The following CACNA1I variants were observed in gnomAD, a reference collection of about 807,000 sequenced individuals.
CACNA1I encodes the protein voltage-dependent T-type calcium channel subunit alpha-1I.
Under a neutral mutation model 201.6 loss-of-function variants are expected in CACNA1I, and 74 were observed. The ratio of observed to expected loss-of-function variants is 0.37; its 90% CI spans 0.30 to 0.45. The LOEUF is 0.45. Ranked by LOEUF, CACNA1I falls within the 20% of genes least tolerant of loss-of-function variation. The pLI, the probability that CACNA1I is intolerant of heterozygous loss-of-function variation, is 1.00. For synonymous variants in CACNA1I, 1,431 were observed against 1,345.2 expected, an observed-to-expected ratio of 1.06 and a Z score of -1.40; for missense variants, 2,346 against 3,138.1, an observed-to-expected ratio of 0.75 and a Z score of 6.03.
intron 10 of CACNA1I, among the ~76,000 whole-genome samples, chr22:39,651,173 C>G (rs911489973): frequency 1.3e-5 from 2 of 151,782 alleles, no homozygotes; most frequent in African/African-American, 4.9e-5. Flanking sequence ...GAGGTCCCGC[C>G]GCCAGCTGGG....
chr22:39,679,894 C>T (rs2146478888), intron 33 of CACNA1I, 26 bp downstream of exon 33: 2 of 1,604,006 alleles, frequency 1.2e-6, no homozygotes, highest in African/African-American at 1.3e-5. Flanking sequence ...GAGGCCTGGC[C>T]CCTTGTGGCA....
intron 2 of CACNA1I, among the ~76,000 whole-genome samples, chr22:39,599,574 C>G (rs1195781814): frequency 1.5e-5 from 2 of 131,316 alleles, no homozygotes; most frequent in Non-Finnish European, 1.6e-5. Context: ...AGCCGAGATC[C>G]CGCCACTGCA....
intron 10 of CACNA1I, among the ~76,000 whole-genome samples, chr22:39,652,697 C>T (rs766257834): frequency 6.6e-6 from 1 of 152,182 alleles, no homozygotes; most frequent in Non-Finnish European, 1.5e-5. Context: ...TTGAGCCCAG[C>T]AGTTCAAGAC....
intron 1 of CACNA1I, among the ~76,000 whole-genome samples, chr22:39,572,466 T>C (rs1243650542): frequency 6.6e-6 from 1 of 152,004 alleles, no homozygotes; most frequent in Non-Finnish European, 1.5e-5. Context: ...TTCCCTTCTG[T>C]AGGGGGCTGA....
At chr22:39,598,592 C>T (rs1932948307) in intron 2 of CACNA1I, among the ~76,000 whole-genome samples, 1 of 151,998 alleles carries the variant, frequency 6.6e-6, no homozygotes. Context: ...CCGGGTGCCC[C>T]CACCAGCCTT....
In CACNA1I at chr22:39,657,539, C is replaced by T. The variant is rs138816597; in HGVS notation, c.1993-613C>T. On this transcript the variant is annotated intron_variant, in intron 10 of 36. Transcript: ENST00000402142. ...AGGGGAGAGAAAAGTTCTGCATGGG[C>T]GGGGGTTAAGGGCAGGAGTCTTGGA... 5.3e-3 allele frequency among the ~76,000 whole-genome samples: 802 copies of T among 152,282 alleles called. 3 individuals are homozygous for T. Among genetic ancestry groups the T allele is most frequent in the Non-Finnish European group, 7.9e-3 (540 of 68,018 alleles).
chr22:39,634,297 A>T (rs1189786199), intron 4 of CACNA1I, among the ~76,000 whole-genome samples: 1 of 152,210 alleles, frequency 6.6e-6, no homozygotes, highest in Non-Finnish European at 1.5e-5. Flanking sequence ...CTTGGTACAT[A>T]AAAGGTGCTG....
chr22:39,634,463 C>G, intron 4 of CACNA1I, 102 bp from the exon 5 acceptor site: 1 of 1,112,124 alleles, frequency 9.0e-7, no homozygotes, highest in Non-Finnish European at 1.4e-6. Flanking sequence ...CCTGATAATG[C>G]ATCCCCCTCC....
intron 1 of CACNA1I, among the ~76,000 whole-genome samples, chr22:39,583,365 TATCCATCCATCCATCCATCC>T (rs61259535): frequency 2.1e-5 from 3 of 145,096 alleles, no homozygotes; most frequent in East Asian, 2.1e-4. Context: ...TCCAACCATC[TATCCATCCATCCATCCATCC>T]ATCCATCCAT....
chr22:39,652,898 A>C (rs136835), intron 10 of CACNA1I, among the ~76,000 whole-genome samples: 96,441 of 152,118 alleles, frequency 0.63, 31,968 homozygotes, highest in East Asian at 0.99. Flanking sequence ...GAGCAAGATC[A>C]TGTGTCAAAA....
intron 1 of CACNA1I, among the ~76,000 whole-genome samples, chr22:39,585,386 C>CTTTCT (rs1485526954): frequency 1.1e-4 from 10 of 90,454 alleles, no homozygotes; most frequent in Admixed American, 4.7e-4. Context: ...TTCTTTCTTT[C>CTTTCT]TTTTTTTTTT....
chr22:39,663,337 G>A (rs1181321198), intron 18 of CACNA1I, among the ~76,000 whole-genome samples: 1 of 152,192 alleles, frequency 6.6e-6, no homozygotes. Flanking sequence ...GAGGCAGGTG[G>A]CATTCCAGTA....
intron 18 of CACNA1I, 26 bp downstream of exon 18, chr22:39,662,902 G>A (rs1935073237): frequency 7.0e-7 from 1 of 1,425,508 alleles, no homozygotes; most frequent in African/African-American, 1.4e-5. Context: ...CCTGGGGTGA[G>A]GGTTAGAGTA....
At chr22:39,605,384 T>C (rs1394470647) in intron 3 of CACNA1I, among the ~76,000 whole-genome samples, 1 of 152,176 alleles carries the variant, frequency 6.6e-6, no homozygotes, top group African/African-American at 2.4e-5. Flanking sequence ...GCGGCTGGTC[T>C]CAAACTAGGA....
In CACNA1I at chr22:39,686,118, A is replaced by G; in HGVS notation, c.6385A>G (p.Ser2129Gly). 2 of 1,211,800 alleles carry G rather than the reference A, an allele frequency of 1.7e-6. No homozygotes were observed. The highest frequency in any genetic ancestry group is 2.0e-6 in the Non-Finnish European group (2 of 977,794). 75.1% of individuals were successfully genotyped at this position (1,211,800 alleles called of 1,614,324 possible). ...CAGCGAGCACTCGGAGACCCTCAGC[A>G]GCCTCTCGCTCACCTCCCTCTTCTG... ...AGSEHSETLS[S>G]LSLTSLFCPP... is the part of the protein sequence containing the mutation. The change falls in exon 37 of 37, where the codon AGC becomes GGC. Residue 2129 changes from serine to glycine, a missense_variant. Physicochemically the swap from Ser to Gly is moderately conservative, Grantham distance 56. This residue lies in a region of CACNA1I where 187 missense variants were observed against 151.0 expected (regional missense o/e 1.24). Coordinates refer to ENST00000402142, the MANE Select transcript of CACNA1I (RefSeq NM_021096.4).
chr22:39,677,936 C>T lies in CACNA1I; in HGVS notation c.4934-51C>T. ...GCGGGAGGCACCAGGTCAGGGTGAG[C>T]CCCGCAGGCACTCCGCCATCGGGCA... is the stretch of plus-strand genomic sequence containing the variant. On this transcript the variant is annotated intron_variant, in intron 30 of 36. Transcript: ENST00000402142. This position sits in a 1 kb window ranked among gnomAD's most constrained non-coding sequence, Gnocchi z 4.8. The T allele has an allele frequency of 2.6e-6, 4 of 1,530,164 alleles. No individual in the cohort carries two copies. Among genetic ancestry groups the T allele is most frequent in the Non-Finnish European group, 3.5e-6 (4 of 1,137,588 alleles). 94.8% of individuals were successfully genotyped at this position (1,530,164 alleles called of 1,614,324 possible).
rs772987632 is a variant in CACNA1I, at chr22:39,682,631, C to T, written c.5800C>T (p.Arg1934Trp). The change falls in exon 35 of 37, where the codon CGG becomes TGG. Residue 1934 changes from arginine (R) to tryptophan (W), a missense_variant. Arg to Trp is a moderately radical substitution (Grantham distance 101, BLOSUM62 -3). Around this residue, in one of 13 missense-constraint regions of CACNA1I, gnomAD observed 441 missense variants for 555.6 expected, o/e 0.79. Coordinates refer to ENST00000402142, the MANE Select transcript of CACNA1I (RefSeq NM_021096.4). ...EMEEIPFNPV[R>W]SWLKHDSSQA... ...GGAGGAGATCCCATTCAACCCTGTC[C>T]GGTCCTGGCTGAAACATGACAGCAG... The T allele has an allele frequency of 2.5e-6, 4 of 1,613,256 alleles. No individual in the cohort carries two copies. The Admixed American group carries it at 5.0e-5, about 20-fold the overall frequency.
chr22:39,618,470 G>A (rs1297973975), intron 3 of CACNA1I, among the ~76,000 whole-genome samples: 2 of 152,066 alleles, frequency 1.3e-5, no homozygotes, highest in Non-Finnish European at 2.9e-5. Flanking sequence ...CACAGGTATG[G>A]AAGTGTGTGT....
chr22:39,619,907 C>T (rs1159900999), intron 4 of CACNA1I, among the ~76,000 whole-genome samples: 1 of 152,118 alleles, frequency 6.6e-6, no homozygotes, highest in East Asian at 1.9e-4. Context: ...ACCGGTTCAT[C>T]CATCCACCCG....
Sources: gnomAD v4.1 joint callset for allele counts (sites outside exome capture counted in the v4.1 genomes callset) on GRCh38, gnomAD v4.1.1 for gene constraint, gnomAD v4.1.1 regional missense constraint, Gnocchi (gnomAD v3.1) non-coding constraint, MANE v1.5 for transcripts, NCBI Gene and HGNC (gene_info 2026-07-23, HGNC 2026-07-21) for gene names.